Variants in PDE1C observed in about 807,000 individuals in gnomAD.
The protein encoded by PDE1C is dual specificity calcium/calmodulin-dependent 3',5'-cyclic nucleotide phosphodiesterase 1C.
A neutral mutation model predicts 93.1 loss-of-function variants in PDE1C; 62 were observed. That is an observed-to-expected ratio of 0.67 (90% CI 0.54 to 0.82). The LOEUF (loss-of-function observed/expected upper bound fraction) is 0.82, where lower values mean the gene tolerates loss of function less well. Ranked by LOEUF, PDE1C falls within the 40% of genes least tolerant of loss-of-function variation. The probability of loss-of-function intolerance (pLI) is 0.00; values close to 1 mark genes in which losing one functional copy is unlikely to be tolerated. For synonymous variants in PDE1C, 325 were observed against 310.1 expected, an observed-to-expected ratio of 1.05 and a Z score of -0.50; for missense variants, 742 against 884.6, an observed-to-expected ratio of 0.84 and a Z score of 2.04.
intron 1 of PDE1C, among the ~76,000 whole-genome samples, chr7:32,295,893 CAAAAAAAAAAAA>C (rs147462417): frequency 3.5e-5 from 3 of 85,124 alleles, no homozygotes. Context: ...GACTCTGTCT[CAAAAAAAAAAAA>C]AAAAAAAAAA....
intron 1 of PDE1C, among the ~76,000 whole-genome samples, chr7:32,370,447 CAAAAAA>C (rs34494376): frequency 1.7e-5 from 2 of 120,234 alleles, no homozygotes; most frequent in Non-Finnish European, 1.8e-5. Flanking sequence ...AGACTCCTCT[CAAAAAA>C]AAAAAAAAAA....
chr7:32,193,290 G>A lies in PDE1C; in HGVS notation c.136+16199C>T, dbSNP rs113924808. 2.5e-3 allele frequency among the ~76,000 whole-genome samples: 384 copies of A among 152,188 alleles called. 3 individuals carry two copies. Among genetic ancestry groups the A allele is most frequent in the African/African-American group, 8.9e-3 (369 of 41,542 alleles). On this transcript the variant is annotated intron_variant, in intron 2 of 18. Transcript: ENST00000396193. ...AATATAAAGTTAGTTGAAGGTTTTT[G>A]TAGATCTTCCTTATCAAGTTGAAGA...
the PDE1C span, chr7:31,651,863 T>G: frequency 1.0e-6 from 1 of 965,372 alleles, no homozygotes; most frequent in Non-Finnish European, 1.6e-6. Flanking sequence ...GAAGAACCTA[T>G]ATTATGAGGT....
the PDE1C span, among the ~76,000 whole-genome samples, chr7:31,678,097 G>A: frequency 1.2e-4 from 18 of 152,206 alleles, no homozygotes; most frequent in African/African-American, 4.1e-4. Flanking sequence ...CTACGAGTAA[G>A]ACTAAAAAAC....
intron 2 of PDE1C, among the ~76,000 whole-genome samples, chr7:31,898,046 G>T (rs1305561121): frequency 1.3e-4 from 19 of 150,000 alleles, no homozygotes; most frequent in African/African-American, 4.7e-4. Context: ...GTGTGTGTGT[G>T]TGTGTGTGTG....
chr7:31,829,445 T>A (rs999045624), intron 11 of PDE1C, among the ~76,000 whole-genome samples: 2 of 152,172 alleles, frequency 1.3e-5, no homozygotes, highest in Admixed American at 1.3e-4. Context: ...TAATAAGTAC[T>A]GTCAATAAAT....
intron 2 of PDE1C, among the ~76,000 whole-genome samples, chr7:31,968,888 C>G (rs553817688): frequency 6.6e-6 from 1 of 152,270 alleles, no homozygotes; most frequent in East Asian, 1.9e-4. Context: ...GGAAAGGATT[C>G]CCTATTTAAT....
At chr7:31,674,008 A>AT in the PDE1C span, among the ~76,000 whole-genome samples, 8 of 152,146 alleles carry the variant, frequency 5.3e-5, no homozygotes, top group South Asian at 2.1e-4. Flanking sequence ...CTATGTGTGT[A>AT]TTTTTTTGTC....
At chr7:31,702,842 T>C in the PDE1C span, among the ~76,000 whole-genome samples, 1 of 152,344 alleles carries the variant, frequency 6.6e-6, no homozygotes, top group Admixed American at 6.5e-5. Flanking sequence ...CAATACCTGA[T>C]GGAGACTGAT....
chr7:31,952,026 A>G (rs541114934), intron 2 of PDE1C, among the ~76,000 whole-genome samples: 14 of 152,330 alleles, frequency 9.2e-5, no homozygotes, highest in Admixed American at 2.6e-4. Flanking sequence ...TACTTTCCTT[A>G]CATTACTTCA....
chr7:32,212,420 G>A (rs77399942), intron 1 of PDE1C, among the ~76,000 whole-genome samples: 3,348 of 152,228 alleles, frequency 0.022, 133 homozygotes, highest in African/African-American at 0.075. Flanking sequence ...CCTCTATCCA[G>A]AAGGAATTTG....
intron 2 of PDE1C, among the ~76,000 whole-genome samples, chr7:31,985,450 T>A (rs1480208073): frequency 6.6e-6 from 1 of 152,192 alleles, no homozygotes; most frequent in Admixed American, 6.5e-5. Flanking sequence ...TACTTTAAGT[T>A]CTAGGGAACA....
At chr7:32,106,556 A>G (rs1798322632) in intron 3 of PDE1C, among the ~76,000 whole-genome samples, 1 of 152,166 alleles carries the variant, frequency 6.6e-6, no homozygotes, top group African/African-American at 2.4e-5. Context: ...CACCACATCA[A>G]CAGGGCTCCT....
At chr7:32,383,660 G>C (rs1433591488) in intron 1 of PDE1C, among the ~76,000 whole-genome samples, 1 of 151,948 alleles carries the variant, frequency 6.6e-6, no homozygotes, top group African/African-American at 2.4e-5. Flanking sequence ...TGGATGGATG[G>C]ATGGATGCAT....
intron 2 of PDE1C, among the ~76,000 whole-genome samples, chr7:31,929,509 T>C (rs1416225149): frequency 6.6e-6 from 1 of 152,120 alleles, no homozygotes; most frequent in African/African-American, 2.4e-5. Context: ...CACATAGCAA[T>C]TATCCTAAAA....
chr7:31,977,219 C>T (rs1811781920), intron 2 of PDE1C, among the ~76,000 whole-genome samples: 1 of 152,024 alleles, frequency 6.6e-6, no homozygotes, highest in Non-Finnish European at 1.5e-5. Context: ...AGGGTGGAGT[C>T]CCCATGAAGG....
At chr7:32,071,104 G>A, upstream of PDE1C, 9 of 985,526 alleles carry the variant, frequency 9.1e-6, no homozygotes, top group Non-Finnish European at 1.1e-5. Context: ...CCGTCTGCCG[G>A]GCACACGCTG....
At chr7:32,107,252 CAAAG>C (rs1554504394) in intron 3 of PDE1C, among the ~76,000 whole-genome samples, 2 of 117,812 alleles carry the variant, frequency 1.7e-5, no homozygotes, top group East Asian at 2.4e-4. Flanking sequence ...GAGAAAGAGA[CAAAG>C]AGAGACAGGT....
intron 1 of PDE1C, among the ~76,000 whole-genome samples, chr7:32,285,902 A>G (rs1253196140): frequency 6.6e-6 from 1 of 152,146 alleles, no homozygotes; most frequent in African/African-American, 2.4e-5. Context: ...CTCCCCCTGC[A>G]TTATCTTCAT....
Sources: allele counts gnomAD v4.1 joint callset (sites outside exome capture counted in the v4.1 genomes callset), GRCh38; gene constraint gnomAD v4.1.1; transcripts MANE v1.5; gene names NCBI Gene and HGNC (gene_info 2026-07-23, HGNC 2026-07-21).